CA8: variants seen among roughly 807,000 people sequenced by gnomAD.
CA8 encodes the protein carbonic anhydrase-related protein.
CA8 carries 22 observed loss-of-function variants against 41.4 expected under a neutral mutation model. The ratio of observed to expected loss-of-function variants is 0.53; its 90% CI spans 0.38 to 0.76. CA8 has a LOEUF of 0.76. CA8 is among the 30% of genes least tolerant of loss of function. CA8 has a pLI of 0.00. For synonymous variants in CA8, 121 were observed against 130.6 expected, an observed-to-expected ratio of 0.93 and a Z score of 0.50; for missense variants, 270 against 352.8, an observed-to-expected ratio of 0.77 and a Z score of 1.88.
intron 7 of CA8, among the ~76,000 whole-genome samples, chr8:60,209,345 T>G (rs7844402): frequency 6.6e-6 from 1 of 152,042 alleles, no homozygotes; most frequent in East Asian, 1.9e-4. Flanking sequence ...TCAGCCAGGC[T>G]TGGTGGTGCA....
intron 3 of CA8, among the ~76,000 whole-genome samples, chr8:60,254,389 AC>A (rs1808552245): frequency 6.6e-6 from 1 of 152,094 alleles, no homozygotes; most frequent in African/African-American, 2.4e-5. Context: ...TTCCACTATG[AC>A]CCACACCACT....
At position 60,259,888 on chromosome 8, in the gene CA8, C is replaced by T. The variant is rs140353692; in HGVS notation, c.417+6037G>A. ...AGGAGATTCCAGGATACCAAATAATCATCATCATAATAATTATTACATTTA... is the reference window on the plus strand; with the variant it reads ...AGGAGATTCCAGGATACCAAATAATTATCATCATAATAATTATTACATTTA... On this transcript the variant is annotated intron_variant, in intron 3 of 8. Transcript: ENST00000317995. Among the ~76,000 whole-genome samples, 67 of 151,590 alleles carry T rather than the reference C, an allele frequency of 4.4e-4. No homozygotes were observed. The East Asian group carries it at 0.012, about 28-fold the overall frequency.
At chr8:60,227,001 A>T in intron 4 of CA8, 66 bp from the exon 5 acceptor site, 1 of 1,149,342 alleles carries the variant, frequency 8.7e-7, no homozygotes. Context: ...ACTAAAAAAA[A>T]ACTAATAGGG....
intron 3 of CA8, among the ~76,000 whole-genome samples, chr8:60,238,135 AATAG>A (rs1271851180): frequency 1.3e-5 from 2 of 152,232 alleles, no homozygotes; most frequent in African/African-American, 4.8e-5. Flanking sequence ...TAACTCACAG[AATAG>A]ATAAATTTGT....
chr8:60,226,170 T>C (rs923737992), intron 5 of CA8, among the ~76,000 whole-genome samples: 3 of 152,138 alleles, frequency 2.0e-5, no homozygotes, highest in African/African-American at 7.2e-5. Flanking sequence ...AACTTTCCTA[T>C]AGCATGCAGG....
intron 8 of CA8, among the ~76,000 whole-genome samples, chr8:60,202,483 TACAA>T (rs1305109092): frequency 1.3e-5 from 2 of 152,218 alleles, no homozygotes; most frequent in Admixed American, 6.5e-5. Context: ...TGCAATTTAT[TACAA>T]ACAAATTATT....
rs1379207130 is a variant in CA8, at chr8:60,186,564, ATAACAT to A, written c.*3451_*3456del. On this transcript the variant is annotated 3_prime_UTR_variant, in exon 9 of 9. Coordinates refer to ENST00000317995, the MANE Select transcript of CA8 (RefSeq NM_004056.6). ...AGACACAAATCCAACTATATAAACA[ATAACAT>A]TAAGTGCAAATGGGTTAAATAATCC... Among the ~76,000 whole-genome samples the A allele has an allele frequency of 6.6e-6, 1 of 151,944 alleles. No homozygotes were observed. The highest frequency in any genetic ancestry group is 1.5e-5 in the Non-Finnish European group (1 of 67,874).
At chr8:60,263,803 T>C (rs146582909) in intron 3 of CA8, among the ~76,000 whole-genome samples, 251 of 152,304 alleles carry the variant, frequency 1.6e-3, no homozygotes, top group Non-Finnish European at 2.8e-3. Flanking sequence ...TCCACAAAAA[T>C]ATATCAATAA....
At chr8:60,226,305 A>T (rs1257885565) in intron 5 of CA8, among the ~76,000 whole-genome samples, 1 of 77,008 alleles carries the variant, frequency 1.3e-5, no homozygotes, top group South Asian at 4.2e-4. Flanking sequence ...ATTCTACCTG[A>T]TAAGACTGTT....
At chr8:60,239,225 T>G (rs1196606186) in intron 3 of CA8, among the ~76,000 whole-genome samples, 1 of 152,134 alleles carries the variant, frequency 6.6e-6, no homozygotes, top group Non-Finnish European at 1.5e-5. Context: ...CACCTCAGCC[T>G]CCAGGGGAGC....
At chr8:60,268,897 T>C (rs1276888431) in intron 2 of CA8, among the ~76,000 whole-genome samples, 1 of 152,206 alleles carries the variant, frequency 6.6e-6, no homozygotes, top group East Asian at 1.9e-4. Context: ...TTCTATGGTA[T>C]GAAAGGAACA....
At chr8:60,190,257 T>C (rs963536251) in intron 8 of CA8, among the ~76,000 whole-genome samples, 9 of 151,430 alleles carry the variant, frequency 5.9e-5, no homozygotes, top group Admixed American at 2.6e-4. Context: ...GCTTGAACTA[T>C]TTTACAAACA....
In CA8 at chr8:60,262,350, A is replaced by AC. The variant is rs1803762262; in HGVS notation, c.417+3574_417+3575insG. 3.9e-5 allele frequency among the ~76,000 whole-genome samples: 6 copies of AC among 152,128 alleles called. No individual in the cohort carries two copies. The South Asian group carries it at 1.0e-3, about 26-fold the overall frequency. ...AGCAAAATGGCAAAAAAAAAAAAAAAAAAATCATATAGCATTAAAGTTAGA... is the reference window on the plus strand; with the variant it reads ...AGCAAAATGGCAAAAAAAAAAAAAAACAAAATCATATAGCATTAAAGTTAGA... On this transcript the variant is annotated intron_variant, in intron 3 of 8. Coordinates refer to ENST00000317995, the MANE Select transcript of CA8 (RefSeq NM_004056.6).
At chr8:60,213,766 CT>C (rs111255981) in intron 7 of CA8, among the ~76,000 whole-genome samples, 20,245 of 144,634 alleles carry the variant, frequency 0.14, 1,334 homozygotes, top group East Asian at 0.18. Context: ...TTTCTTTTGA[CT>C]TTTTTTTTTT....
In CA8 at chr8:60,270,925, G is replaced by A. The variant is rs116685661; in HGVS notation, c.293-4876C>T. 4.5e-3 allele frequency among the ~76,000 whole-genome samples: 687 copies of A among 152,222 alleles called. 5 individuals carry two copies. Among genetic ancestry groups the A allele is most frequent in the African/African-American group, 0.016 (648 of 41,518 alleles). ...TTTATTAAATATCTTCAGCTCTTAA[G>A]GGTAGAGATCATAACAATAGCACAG... On this transcript the variant is annotated intron_variant, in intron 2 of 8. Transcript: ENST00000317995.
At chr8:60,261,113 G>C (rs760836115) in intron 3 of CA8, among the ~76,000 whole-genome samples, 1 of 151,818 alleles carries the variant, frequency 6.6e-6, no homozygotes, top group Non-Finnish European at 1.5e-5. Flanking sequence ...GATATCTGGC[G>C]ACCTGGCACA....
At chr8:60,254,025 C>T (rs1808538245) in intron 3 of CA8, among the ~76,000 whole-genome samples, 1 of 152,202 alleles carries the variant, frequency 6.6e-6, no homozygotes, top group Non-Finnish European at 1.5e-5. Flanking sequence ...CAGTGGCAAA[C>T]ACACAGCAGT....
rs1806040781 is a variant in CA8, at chr8:60,189,012, C to T, written c.*1009G>A. ...ATAATATTTATTGTTTGCTTTGTGC[C>T]AGGTACTCTACTGCTTTACATAAAT... On this transcript the variant is annotated 3_prime_UTR_variant, in exon 9 of 9. Transcript: ENST00000317995. 1 of 151,982 alleles carries T rather than the reference C, an allele frequency of 6.6e-6. No homozygotes were observed. The highest frequency in any genetic ancestry group is 2.4e-5 in the African/African-American group (1 of 41,366). The allele number at this position is 151,982 out of a possible 1,614,324, so 9.4% of individuals were successfully genotyped here. A position where few individuals can be genotyped will look rare whatever the true frequency, so the allele number is the denominator to read the frequency against.
At chr8:60,254,237 A>G (rs1360260605) in intron 3 of CA8, among the ~76,000 whole-genome samples, 2 of 152,212 alleles carry the variant, frequency 1.3e-5, no homozygotes, top group South Asian at 2.1e-4. Flanking sequence ...GCTGAATGGT[A>G]TATGCCACTC....
Sources: allele counts gnomAD v4.1 joint callset (sites outside exome capture counted in the v4.1 genomes callset), GRCh38; gene constraint gnomAD v4.1.1; transcripts MANE v1.5; gene names NCBI Gene and HGNC (gene_info 2026-07-23, HGNC 2026-07-21).